The following STMN2 variants were observed in gnomAD, a reference collection of about 807,000 sequenced individuals.
STMN2 encodes the protein stathmin-2.
In STMN2, 2 loss-of-function variants were observed where a neutral mutation model predicts 24.1. The observed-to-expected ratio is 0.08, with a 90% CI of 0.03 to 0.26. STMN2 has a LOEUF of 0.26. Among genes scored for constraint, STMN2 ranks in the 10% least tolerant of loss-of-function variants. The pLI is 1.00. For missense variants in STMN2, 114 were observed against 213.6 expected (o/e 0.53, Z 2.91); for synonymous variants, 83 against 77.5 (o/e 1.07, Z -0.37).
At chr8:79,612,194 CCCG>C (rs1178791096) in intron 1 of STMN2, among the ~76,000 whole-genome samples, 1 of 152,132 alleles carries the variant, frequency 6.6e-6, no homozygotes, top group Non-Finnish European at 1.5e-5. Flanking sequence ...CTCCCGACTC[CCCG>C]CCGCGGCTTC....
chr8:79,656,706 C>T (rs1480492575), intron 4 of STMN2, among the ~76,000 whole-genome samples: 1 of 152,184 alleles, frequency 6.6e-6, no homozygotes, highest in African/African-American at 2.4e-5. Context: ...CTTCTTCTCA[C>T]ATCCTAGGCC....
chr8:79,626,268 T>C (rs1434331853), intron 1 of STMN2, among the ~76,000 whole-genome samples: 1 of 152,202 alleles, frequency 6.6e-6, no homozygotes, highest in Non-Finnish European at 1.5e-5. Context: ...AGAGAACATA[T>C]AAATGAATAC....
intron 2 of STMN2, among the ~76,000 whole-genome samples, chr8:79,639,326 A>G (rs1440766187): frequency 6.6e-6 from 1 of 152,200 alleles, no homozygotes; most frequent in Non-Finnish European, 1.5e-5. Flanking sequence ...ATGGAACATA[A>G]CTGTTTTCAA....
intron 1 of STMN2, among the ~76,000 whole-genome samples, chr8:79,625,194 T>G (rs1389360083): frequency 6.6e-6 from 1 of 152,190 alleles, no homozygotes; most frequent in African/African-American, 2.4e-5. Flanking sequence ...TTCCACATTT[T>G]GAACTGTTTT....
At chr8:79,626,996 A>T (rs1809673184) in intron 1 of STMN2, among the ~76,000 whole-genome samples, 1 of 152,162 alleles carries the variant, frequency 6.6e-6, no homozygotes, top group Non-Finnish European at 1.5e-5. Flanking sequence ...TGTGTTTAGG[A>T]AGACACAAAC....
At chr8:79,624,656 C>T (rs185991734) in intron 1 of STMN2, among the ~76,000 whole-genome samples, 74 of 152,162 alleles carry the variant, frequency 4.9e-4, no homozygotes, top group African/African-American at 1.7e-3. Context: ...TACATTTCAT[C>T]CCTTTGGATA....
chr8:79,641,351 T>G, intron 2 of STMN2, 27 bp from the exon 3 acceptor site: 1 of 1,607,036 alleles, frequency 6.2e-7, no homozygotes, highest in Non-Finnish European at 8.5e-7. Context: ...TTTGTATGCT[T>G]AACATTCTCA....
intron 3 of STMN2, among the ~76,000 whole-genome samples, chr8:79,643,037 A>G (rs1246686657): frequency 6.8e-6 from 1 of 148,146 alleles, no homozygotes; most frequent in Non-Finnish European, 1.5e-5. Flanking sequence ...GTATATATGT[A>G]TATGTATACC....
intron 1 of STMN2, among the ~76,000 whole-genome samples, chr8:79,624,466 A>G (rs866624446): frequency 1.3e-5 from 2 of 150,110 alleles, no homozygotes; most frequent in Admixed American, 6.6e-5. Flanking sequence ...AAAAAAAAAA[A>G]AAAAAAAAAA....
At chr8:79,620,245 A>G (rs1028694197) in intron 1 of STMN2, among the ~76,000 whole-genome samples, 1 of 149,024 alleles carries the variant, frequency 6.7e-6, no homozygotes, top group Non-Finnish European at 1.5e-5. Context: ...AAATATTTAT[A>G]TGTAATATAT....
intron 4 of STMN2, among the ~76,000 whole-genome samples, chr8:79,657,867 T>G (rs1585911727): frequency 6.6e-6 from 1 of 152,372 alleles, no homozygotes; most frequent in South Asian, 2.1e-4. Flanking sequence ...GGAAGTAATA[T>G]TTAGCATTTT....
At chr8:79,656,227 G>A (rs1028329736) in intron 4 of STMN2, among the ~76,000 whole-genome samples, 6 of 152,184 alleles carry the variant, frequency 3.9e-5, no homozygotes, top group Non-Finnish European at 8.8e-5. Flanking sequence ...AGCATTGCTG[G>A]GGAAGGGTGT....
intron 1 of STMN2, among the ~76,000 whole-genome samples, chr8:79,623,513 C>A (rs552847953): frequency 1.3e-5 from 2 of 152,250 alleles, no homozygotes; most frequent in South Asian, 4.2e-4. Context: ...GACATAGCTG[C>A]AGACATATTA....
In STMN2 at chr8:79,663,389, G is replaced by A. The variant is rs7840074; in HGVS notation, c.481-1426G>A. On this transcript the variant is annotated intron_variant, in intron 4 of 4. Transcript: ENST00000220876. ...TTTCAGTTTCTTCATCTGCAAAATG[G>A]GGACAATAATAGAATGTCCACTATA... Among the ~76,000 whole-genome samples, 565 of 152,168 alleles carry A rather than the reference G, an allele frequency of 3.7e-3. 2 individuals are homozygous for A. Among genetic ancestry groups the A allele is most frequent in the African/African-American group, 0.013 (520 of 41,538 alleles).
intron 1 of STMN2, among the ~76,000 whole-genome samples, chr8:79,627,529 T>C (rs1809685487): frequency 1.3e-5 from 2 of 152,196 alleles, no homozygotes; most frequent in Admixed American, 6.5e-5. Context: ...AGTTTATGCA[T>C]CACTTATTCT....
intron 1 of STMN2, among the ~76,000 whole-genome samples, chr8:79,632,433 T>C (rs1809825976): frequency 6.6e-6 from 1 of 152,158 alleles, no homozygotes; most frequent in Admixed American, 6.5e-5. Context: ...AACCTCCCGC[T>C]AGACTAATAT....
At chr8:79,652,500 C>T (rs1810355559) in intron 3 of STMN2, among the ~76,000 whole-genome samples, 2 of 152,076 alleles carry the variant, frequency 1.3e-5, no homozygotes, top group African/African-American at 4.8e-5. Flanking sequence ...CATCAGGATC[C>T]CTGAATCCAC....
intron 4 of STMN2, among the ~76,000 whole-genome samples, chr8:79,661,719 A>G (rs1806505619): frequency 6.6e-6 from 1 of 152,076 alleles, no homozygotes; most frequent in South Asian, 2.1e-4. Flanking sequence ...AGGAAGATTA[A>G]GTCATTTGGC....
At chr8:79,647,112 T>C (rs1810235188) in intron 3 of STMN2, among the ~76,000 whole-genome samples, 1 of 152,222 alleles carries the variant, frequency 6.6e-6, no homozygotes, top group South Asian at 2.1e-4. Context: ...ACATTTTCGT[T>C]GCCCTGGACC....
Sources: gnomAD v4.1 joint callset for allele counts (sites outside exome capture counted in the v4.1 genomes callset) on GRCh38, gnomAD v4.1.1 for gene constraint, MANE v1.5 for transcripts, NCBI Gene and HGNC (gene_info 2026-07-23, HGNC 2026-07-21) for gene names.